The following RASGRP3 variants were observed in gnomAD, a reference collection of about 807,000 sequenced individuals.
The protein encoded by RASGRP3 is RAS guanyl releasing protein 3.
RASGRP3 carries 54 observed loss-of-function variants against 82.7 expected under a neutral mutation model. That is an observed-to-expected ratio of 0.65 (90% CI 0.52 to 0.82). RASGRP3 has a LOEUF of 0.82. Among genes scored for constraint, RASGRP3 ranks in the 40% least tolerant of loss-of-function variants. The pLI, the probability that RASGRP3 is intolerant of heterozygous loss-of-function variation, is 0.00. For missense variants in RASGRP3, 861 were observed against 828.9 expected (o/e 1.04, Z -0.48); for synonymous variants, 309 against 300.5 (o/e 1.03, Z -0.29).
At chr2:33,516,401 C>T (rs1257922412) in intron 3 of RASGRP3, 141 bp from the exon 4 acceptor site, 4 of 575,632 alleles carry the variant, frequency 6.9e-6, no homozygotes, top group African/African-American at 1.9e-5. Flanking sequence ...AGCAAGACTC[C>T]ATCTTAAAAA....
intron 2 of RASGRP3, among the ~76,000 whole-genome samples, chr2:33,452,594 T>C (rs947149134): frequency 6.6e-6 from 1 of 152,140 alleles, no homozygotes; most frequent in East Asian, 1.9e-4. Context: ...ATGGGGGCCA[T>C]CCTGTCCATG....
intron 1 of RASGRP3, among the ~76,000 whole-genome samples, chr2:33,480,584 T>C (rs1314488984): frequency 2.0e-5 from 3 of 152,228 alleles, no homozygotes; most frequent in Admixed American, 2.0e-4. Flanking sequence ...CTGGAGCTGA[T>C]TTGAAAGAAA....
At chr2:33,523,545 A>C (rs1672235722) in intron 7 of RASGRP3, among the ~76,000 whole-genome samples, 1 of 151,912 alleles carries the variant, frequency 6.6e-6, no homozygotes, top group African/African-American at 2.4e-5. Flanking sequence ...AGGAACCAGC[A>C]TTTTACCAAG....
At position 33,476,859 on chromosome 2, in the gene RASGRP3, A is replaced by G. The variant is rs553760447; in HGVS notation, c.-261+152A>G. ...TCCCTCTGGCACGATAGAAGGAGAT[A>G]TTTTATTTGTACCTGTTAACAGCCA... On this transcript the variant is annotated intron_variant, in intron 1 of 17. Coordinates refer to ENST00000403687, the MANE Select transcript of RASGRP3 (RefSeq NM_001139488.2). Among the ~76,000 whole-genome samples, 45 of 151,286 alleles carry G rather than the reference A, an allele frequency of 3.0e-4. No individual in the cohort carries two copies. The South Asian group carries it at 9.4e-3, about 32-fold the overall frequency.
chr2:33,556,055 TTTAA>T (rs1229651926), intron 15 of RASGRP3, among the ~76,000 whole-genome samples: 3 of 152,128 alleles, frequency 2.0e-5, no homozygotes, highest in Non-Finnish European at 4.4e-5. Flanking sequence ...ATCTTTCCCA[TTTAA>T]TTAAGTTTAT....
At chr2:33,540,524 T>C in intron 12 of RASGRP3, among the ~76,000 whole-genome samples, 1 of 109,030 alleles carries the variant, frequency 9.2e-6, no homozygotes, top group African/African-American at 3.4e-5. Context: ...ATGCGGAATT[T>C]CTCTCTCTCT....
At chr2:33,527,093 G>T in intron 9 of RASGRP3, 44 bp from the exon 10 acceptor site, 1 of 1,602,018 alleles carries the variant, frequency 6.2e-7, no homozygotes, top group South Asian at 1.1e-5. Context: ...GGGTGTGCAG[G>T]AGGGAAAGTT....
intron 2 of RASGRP3, among the ~76,000 whole-genome samples, chr2:33,468,788 CTAA>C: frequency 6.6e-6 from 1 of 152,256 alleles, no homozygotes; most frequent in African/African-American, 2.4e-5. Context: ...AGATGTTTTT[CTAA>C]TATTTTCTTA....
chr2:33,516,847 G>C (rs1004663005), intron 4 of RASGRP3: 17 of 419,138 alleles, frequency 4.1e-5, no homozygotes, highest in Middle Eastern at 6.2e-4. Flanking sequence ...TGTTTTGGCT[G>C]TACTTGAAAA....
At chr2:33,508,548 A>ACT (rs1670623525) in intron 1 of RASGRP3, among the ~76,000 whole-genome samples, 1 of 152,146 alleles carries the variant, frequency 6.6e-6, no homozygotes, top group African/African-American at 2.4e-5. Context: ...TAAATTTCTC[A>ACT]TTTTTATGGA....
chr2:33,543,657 C>A, intron 13 of RASGRP3, 30 bp downstream of exon 13: 1 of 1,422,750 alleles, frequency 7.0e-7, no homozygotes, highest in Non-Finnish European at 9.8e-7. Context: ...TATTTTAATG[C>A]AACTATCCTA....
At position 33,563,736 on chromosome 2, in the gene RASGRP3, C is replaced by A. The variant is rs1278074767; in HGVS notation, c.*999C>A. Reference sequence around the variant, plus strand: ...GTAAAAGAGAACCCTTGTTCCCTTCCTAAGAAACTGCCTTCCACAATTAAA... The same window carrying A: ...GTAAAAGAGAACCCTTGTTCCCTTCATAAGAAACTGCCTTCCACAATTAAA... On this transcript the variant is annotated 3_prime_UTR_variant, in exon 18 of 18. Transcript: ENST00000403687. 6.6e-6 allele frequency: 1 copy of A among 151,884 alleles called. No homozygotes were observed. The highest frequency in any genetic ancestry group is 2.4e-5 in the African/African-American group (1 of 41,360). 9.4% of individuals were successfully genotyped at this position (151,884 alleles called of 1,614,324 possible).
At chr2:33,437,615 C>T (rs1455172278) in intron 1 of RASGRP3, among the ~76,000 whole-genome samples, 3 of 152,158 alleles carry the variant, frequency 2.0e-5, no homozygotes, top group Non-Finnish European at 4.4e-5. Context: ...GATAGCAAAG[C>T]TGGAAGCCAG....
intron 14 of RASGRP3, among the ~76,000 whole-genome samples, chr2:33,551,121 T>C (rs1675315025): frequency 6.6e-6 from 1 of 152,126 alleles, no homozygotes; most frequent in African/African-American, 2.4e-5. Context: ...GAGACCAACC[T>C]GGCCAACATG....
chr2:33,534,438 A>G (rs764173937), intron 11 of RASGRP3, 38 bp downstream of exon 11: 1 of 1,398,486 alleles, frequency 7.2e-7, no homozygotes, highest in East Asian at 2.3e-5. Flanking sequence ...AGTACCAATC[A>G]CTATTTTTTG....
intron 12 of RASGRP3, among the ~76,000 whole-genome samples, chr2:33,540,556 TTGTGTGTGTGTGTGTGTGTGTGTGTG>T (rs377215232): frequency 2.6e-5 from 1 of 38,626 alleles, no homozygotes; most frequent in Non-Finnish European, 4.5e-5. Flanking sequence ...TGTGTGTGTT[TTGTGTGTGTGTGTGTGTGTGTGTGTG>T]TGTGTGTGTG....
chr2:33,502,733 C>A (rs535933786), intron 1 of RASGRP3, among the ~76,000 whole-genome samples: 1 of 152,000 alleles, frequency 6.6e-6, no homozygotes, highest in African/African-American at 2.4e-5. Context: ...CAGGCTGATC[C>A]CGAACTCCTG....
intron 1 of RASGRP3, among the ~76,000 whole-genome samples, chr2:33,500,407 G>A (rs1021968031): frequency 3.9e-5 from 6 of 152,128 alleles, no homozygotes; most frequent in African/African-American, 1.4e-4. Flanking sequence ...GAGCCATTGC[G>A]GTGGGCCAGG....
chr2:33,541,012 A>T (rs1304903588), intron 12 of RASGRP3, among the ~76,000 whole-genome samples: 1 of 146,982 alleles, frequency 6.8e-6, no homozygotes, highest in Non-Finnish European at 1.5e-5. Flanking sequence ...GGCAATAGCG[A>T]TAGATAGAAT....
Sources: allele counts gnomAD v4.1 joint callset (sites outside exome capture counted in the v4.1 genomes callset), GRCh38; gene constraint gnomAD v4.1.1; transcripts MANE v1.5; gene names NCBI Gene and HGNC (gene_info 2026-07-23, HGNC 2026-07-21).